SMARCAD1: variants seen among roughly 807,000 people sequenced by gnomAD.
The protein encoded by SMARCAD1 is SWI/SNF-related matrix-associated actin-dependent regulator of chromatin subfamily A containing DEAD/H box 1.
Under a neutral mutation model 127.1 loss-of-function variants are expected in SMARCAD1, and 25 were observed. The ratio of observed to expected loss-of-function variants is 0.20; its 90% confidence interval spans 0.14 to 0.27. The LOEUF (loss-of-function observed/expected upper bound fraction) is 0.27. Among genes scored for constraint, SMARCAD1 ranks in the 10% least tolerant of loss-of-function variants. The pLI is 1.00. For missense variants in SMARCAD1, 807 were observed against 1,206.0 expected, an observed-to-expected ratio of 0.67 and a Z score of 4.90; for synonymous variants, 400 against 396.9, an observed-to-expected ratio of 1.01 and a Z score of -0.09.
intron 23 of SMARCAD1, 145 bp from the exon 24 acceptor site, chr4:94,289,328 G>C: frequency 2.9e-6 from 2 of 691,382 alleles, no homozygotes; most frequent in Non-Finnish European, 5.1e-6. Flanking sequence ...GCTTAGGAAA[G>C]TTTTTAACAG....
intron 3 of SMARCAD1, among the ~76,000 whole-genome samples, chr4:94,229,237 CTA>C (rs1053599746): frequency 4.6e-5 from 7 of 152,054 alleles, no homozygotes; most frequent in Non-Finnish European, 7.4e-5. Context: ...GTTGTAGTAT[CTA>C]TTGATTTTTG....
intron 2 of SMARCAD1, among the ~76,000 whole-genome samples, chr4:94,217,968 G>C (rs927293440): frequency 1.3e-5 from 2 of 152,114 alleles, no homozygotes; most frequent in Non-Finnish European, 2.9e-5. Context: ...TCTGAAATAT[G>C]TCTCTCACAG....
chr4:94,212,717 C>T (rs1346385890), intron 2 of SMARCAD1, among the ~76,000 whole-genome samples: 1 of 152,134 alleles, frequency 6.6e-6, no homozygotes, highest in Non-Finnish European at 1.5e-5. Context: ...AAACTCCTGA[C>T]TTCAGGCTAT....
chr4:94,239,110 C>T (rs1157732854), intron 5 of SMARCAD1, among the ~76,000 whole-genome samples: 1 of 152,140 alleles, frequency 6.6e-6, no homozygotes, highest in Non-Finnish European at 1.5e-5. Context: ...TTCCATGCTG[C>T]ATCATGGAAC....
At chr4:94,260,095 T>C (rs1183401494) in intron 9 of SMARCAD1, among the ~76,000 whole-genome samples, 2 of 152,140 alleles carry the variant, frequency 1.3e-5, no homozygotes, top group Non-Finnish European at 2.9e-5. Context: ...GTTCTATAAC[T>C]CTCCTGTCTA....
intron 23 of SMARCAD1, among the ~76,000 whole-genome samples, chr4:94,288,742 G>A (rs1414723645): frequency 3.3e-5 from 5 of 152,116 alleles, no homozygotes; most frequent in South Asian, 2.1e-4. Context: ...ATCTATCACA[G>A]ATCAGCAAAT....
At chr4:94,209,875 C>T (rs565076233) in intron 2 of SMARCAD1, among the ~76,000 whole-genome samples, 16 of 152,242 alleles carry the variant, frequency 1.1e-4, no homozygotes, top group South Asian at 4.1e-4. Flanking sequence ...TTGTCTGTTT[C>T]CTCTGTAGTT....
intron 16 of SMARCAD1, 58 bp from the exon 17 acceptor site, chr4:94,278,364 G>A (rs1423919325): frequency 7.2e-7 from 1 of 1,385,052 alleles, no homozygotes; most frequent in Non-Finnish European, 1.0e-6. Flanking sequence ...TAATAATACT[G>A]TTATTGCAAT....
intron 8 of SMARCAD1, among the ~76,000 whole-genome samples, chr4:94,251,107 T>G (rs1749213031): frequency 6.6e-6 from 1 of 152,214 alleles, no homozygotes; most frequent in African/African-American, 2.4e-5. Flanking sequence ...TAAATTGCCA[T>G]GTTTTATTGA....
At position 94,273,715 on chromosome 4, in the gene SMARCAD1, A is replaced by T; in HGVS notation, c.1671A>T (p.Ile557=). 6.2e-7 allele frequency: 1 copy of T among 1,609,876 alleles called. No individual in the cohort carries two copies. Among genetic ancestry groups the T allele is most frequent in the Non-Finnish European group, 8.5e-7 (1 of 1,176,352 alleles). ...TGATCGTTGTTCCAGCTTCAACTATAGGTTTGTAATACTGGAGACAACTGT... is the reference window on the plus strand; with the variant it reads ...TGATCGTTGTTCCAGCTTCAACTATTGGTTTGTAATACTGGAGACAACTGT... ...PHLIVVPAST[I]DNWLREVNLW... The change falls in exon 12 of 24, where the codon ATA becomes ATT. Residue 557 remains isoleucine, a splice_region_variant and synonymous_variant. Coordinates refer to ENST00000354268, the MANE Select transcript of SMARCAD1 (RefSeq NM_020159.5).
intron 9 of SMARCAD1, among the ~76,000 whole-genome samples, chr4:94,254,969 A>G (rs1379260177): frequency 1.3e-5 from 2 of 152,046 alleles, no homozygotes; most frequent in Admixed American, 6.5e-5. Context: ...TCAAAAGTCA[A>G]TATTATGCAT....
At chr4:94,283,563 C>T (rs909738354) in intron 22 of SMARCAD1, among the ~76,000 whole-genome samples, 3 of 152,210 alleles carry the variant, frequency 2.0e-5, no homozygotes, top group African/African-American at 4.8e-5. Context: ...CCGTGGCTCA[C>T]GCCTGTAATC....
At position 94,238,613 on chromosome 4, in the gene SMARCAD1, AAAAG is replaced by A. The variant is rs564244248; in HGVS notation, c.604+1619_604+1622del. Among the ~76,000 whole-genome samples the A allele has an allele frequency of 8.1e-3, 1,224 of 151,828 alleles. 9 individuals carry two copies. Among genetic ancestry groups the A allele is most frequent in the African/African-American group, 0.026 (1,091 of 41,338 alleles). On this transcript the variant is annotated intron_variant, in intron 5 of 23. Coordinates refer to ENST00000354268, the MANE Select transcript of SMARCAD1 (RefSeq NM_020159.5). ...GAGTGACAGAGCAAGACCCTGTCTC[AAAAG>A]AAAGAAAGAAAGAAAGAAAGAAAAA...
intron 5 of SMARCAD1, among the ~76,000 whole-genome samples, chr4:94,237,809 A>G (rs1203338806): frequency 6.6e-6 from 1 of 152,110 alleles, no homozygotes; most frequent in Non-Finnish European, 1.5e-5. Flanking sequence ...TTATTTCATT[A>G]TTATAGCACT....
chr4:94,225,333 G>A (rs762688868), intron 2 of SMARCAD1, among the ~76,000 whole-genome samples: 19 of 152,002 alleles, frequency 1.2e-4, no homozygotes, highest in East Asian at 1.9e-4. Context: ...TCTTCAAATG[G>A]CCTTTCCTTC....
chr4:94,275,094 T>A (rs1228846600), intron 14 of SMARCAD1, 129 bp downstream of exon 14: 2 of 738,270 alleles, frequency 2.7e-6, no homozygotes, highest in Non-Finnish European at 2.4e-6. Context: ...GAATGACTAA[T>A]GTTGAGGATT....
intron 2 of SMARCAD1, among the ~76,000 whole-genome samples, chr4:94,221,483 AC>A (rs1344208458): frequency 6.6e-6 from 1 of 152,182 alleles, no homozygotes; most frequent in Admixed American, 6.5e-5. Flanking sequence ...CTATGAAAGT[AC>A]CCCTCCTTTC....
chr4:94,242,969 A>C (rs564907612), intron 6 of SMARCAD1, among the ~76,000 whole-genome samples: 2 of 152,126 alleles, frequency 1.3e-5, no homozygotes, highest in African/African-American at 4.8e-5. Context: ...GTCATAAAGA[A>C]TTTTCTCTTT....
At chr4:94,289,349 C>A in intron 23 of SMARCAD1, 124 bp from the exon 24 acceptor site, 2 of 816,640 alleles carry the variant, frequency 2.4e-6, no homozygotes, top group South Asian at 1.5e-5. Context: ...GGGTGAGTGA[C>A]ACTGAAGCAA....
Sources: allele counts gnomAD v4.1 joint callset (sites outside exome capture counted in the v4.1 genomes callset), GRCh38; gene constraint gnomAD v4.1.1; transcripts MANE v1.5; gene names NCBI Gene and HGNC (gene_info 2026-07-23, HGNC 2026-07-21).